Variants in SYT1 observed in about 807,000 individuals in gnomAD.
SYT1 encodes the protein synaptotagmin-1.
In SYT1, 8 loss-of-function variants were observed where a neutral mutation model predicts 44.8. The observed-to-expected ratio is 0.18, with a 90% CI of 0.10 to 0.32. The LOEUF is 0.32. Among genes scored for constraint, SYT1 ranks in the 10% least tolerant of loss-of-function variants. The probability of loss-of-function intolerance (pLI) is 1.00; values close to 1 mark genes in which losing one functional copy is unlikely to be tolerated. For synonymous variants in SYT1, 154 were observed against 188.8 expected, an observed-to-expected ratio of 0.82 and a Z score of 1.51; for missense variants, 286 against 509.3, an observed-to-expected ratio of 0.56 and a Z score of 4.22.
At chr12:78,911,305 T>A (rs1381820368) in intron 1 of SYT1, among the ~76,000 whole-genome samples, 1 of 151,944 alleles carries the variant, frequency 6.6e-6, no homozygotes, top group Non-Finnish European at 1.5e-5. Flanking sequence ...AGGAGAGATG[T>A]CTTATAGAAA....
chr12:78,998,652 A>T (rs1870533111), intron 2 of SYT1, among the ~76,000 whole-genome samples: 1 of 152,204 alleles, frequency 6.6e-6, no homozygotes, highest in Admixed American at 6.5e-5. Flanking sequence ...CTCAAGTTAG[A>T]TTAAATTGAT....
At chr12:78,868,782 G>A (rs1873672210) in intron 1 of SYT1, 1 of 151,814 alleles carries the variant, frequency 6.6e-6, no homozygotes, top group Non-Finnish European at 1.5e-5. Flanking sequence ...AATACTCAGA[G>A]ATAATATTAA....
chr12:78,962,215 G>A (rs951603241), intron 1 of SYT1, among the ~76,000 whole-genome samples: 1 of 151,998 alleles, frequency 6.6e-6, no homozygotes, highest in Non-Finnish European at 1.5e-5. Flanking sequence ...GTATATAATG[G>A]AGCAAACATA....
intron 8 of SYT1, among the ~76,000 whole-genome samples, chr12:79,316,083 G>A (rs1203319261): frequency 3.3e-5 from 5 of 152,168 alleles, no homozygotes; most frequent in Non-Finnish European, 7.3e-5. Context: ...AGTTCAATGA[G>A]TCTTGACAAC....
chr12:79,055,058 A>G (rs891520549), intron 3 of SYT1, among the ~76,000 whole-genome samples: 6 of 151,966 alleles, frequency 3.9e-5, no homozygotes, highest in African/African-American at 7.2e-5. Flanking sequence ...TGCCAGCTCC[A>G]CCACTTATTA....
chr12:78,990,246 G>A (rs905007321), intron 2 of SYT1, among the ~76,000 whole-genome samples: 2 of 152,050 alleles, frequency 1.3e-5, no homozygotes, highest in East Asian at 1.9e-4. Flanking sequence ...GAGACTCTCC[G>A]ATATACCAAC....
intron 2 of SYT1, among the ~76,000 whole-genome samples, chr12:79,029,794 A>G (rs1283146715): frequency 6.6e-6 from 1 of 151,124 alleles, no homozygotes; most frequent in Non-Finnish European, 1.5e-5. Flanking sequence ...TATAAAGATA[A>G]TGATTTTCTT....
chr12:79,221,422 C>G lies in SYT1; in HGVS notation c.166+3737C>G, dbSNP rs150374639. 4.1e-3 allele frequency among the ~76,000 whole-genome samples: 618 copies of G among 152,164 alleles called. 3 individuals carry two copies. Among genetic ancestry groups the G allele is most frequent in the African/African-American group, 0.014 (582 of 41,552 alleles). ...TTTACATTTAAAGTAATTATCAATA[C>G]TTACTACTGCCATATTATTAATTGT... On this transcript the variant is annotated intron_variant, in intron 4 of 10. Coordinates refer to ENST00000261205, the MANE Select transcript of SYT1 (RefSeq NM_005639.3).
At chr12:79,290,309 G>A (rs1051684490) in intron 5 of SYT1, among the ~76,000 whole-genome samples, 108 of 152,236 alleles carry the variant, frequency 7.1e-4, no homozygotes, top group Non-Finnish European at 1.2e-3. Context: ...GGAGTTAACC[G>A]GGTGAAGCCA....
At chr12:78,881,245 A>G (rs1240535033) in intron 1 of SYT1, among the ~76,000 whole-genome samples, 1 of 151,486 alleles carries the variant, frequency 6.6e-6, no homozygotes, top group African/African-American at 2.4e-5. Context: ...GCTACCCTTA[A>G]CTACATCAAT....
chr12:79,309,074 T>G lies in SYT1; in HGVS notation c.810+9523T>G, dbSNP rs565241543. ...CAGGCCAGATTTTTAAAAATCATAC[T>G]TTCTCAAGGATCTCCACAAACTGGA... On this transcript the variant is annotated intron_variant, in intron 8 of 10. Coordinates refer to ENST00000261205, the MANE Select transcript of SYT1 (RefSeq NM_005639.3). 1.4e-3 allele frequency among the ~76,000 whole-genome samples: 218 copies of G among 152,330 alleles called. 3 individuals carry two copies. The highest frequency in any genetic ancestry group is 5.0e-3 in the African/African-American group (207 of 41,576).
At chr12:79,041,942 T>C (rs1873613389) in intron 2 of SYT1, among the ~76,000 whole-genome samples, 1 of 152,218 alleles carries the variant, frequency 6.6e-6, no homozygotes, top group Non-Finnish European at 1.5e-5. Context: ...GATTTGCATA[T>C]ATTGAACCAG....
intron 9 of SYT1, among the ~76,000 whole-genome samples, chr12:79,431,513 A>AT (rs1555225314): frequency 0.35 from 50,591 of 142,568 alleles, 10,858 homozygotes; most frequent in Non-Finnish European, 0.47. Flanking sequence ...ATTTTATTTT[A>AT]TTATTTATTT....
chr12:79,275,362 C>A (rs1172921205), intron 4 of SYT1, among the ~76,000 whole-genome samples: 1 of 152,090 alleles, frequency 6.6e-6, no homozygotes, highest in African/African-American at 2.4e-5. Flanking sequence ...CCTGTGAAAA[C>A]TCAGTGAGAG....
chr12:79,286,658 A>G (rs989334425), intron 5 of SYT1, among the ~76,000 whole-genome samples: 1 of 152,176 alleles, frequency 6.6e-6, no homozygotes, highest in Admixed American at 6.6e-5. Flanking sequence ...TCCAAGCCCA[A>G]AAAAGCTATT....
At chr12:78,948,159 T>C (rs1411745378) in intron 1 of SYT1, among the ~76,000 whole-genome samples, 4 of 151,752 alleles carry the variant, frequency 2.6e-5, no homozygotes, top group Admixed American at 6.6e-5. Flanking sequence ...AATATTACTA[T>C]AACTCAGTAT....
At chr12:79,323,132 T>TC (rs946727407) in intron 8 of SYT1, among the ~76,000 whole-genome samples, 2 of 151,874 alleles carry the variant, frequency 1.3e-5, no homozygotes, top group Non-Finnish European at 2.9e-5. Context: ...TTTTTTTTTT[T>TC]CACTTCTAAT....
chr12:79,206,463 G>A (rs1331598270), intron 3 of SYT1, among the ~76,000 whole-genome samples: 1 of 152,074 alleles, frequency 6.6e-6, no homozygotes, highest in Admixed American at 6.5e-5. Context: ...ACTGGGCCTG[G>A]CAGACAGTGA....
chr12:78,879,709 C>T (rs1302894032), intron 1 of SYT1, among the ~76,000 whole-genome samples: 1 of 151,756 alleles, frequency 6.6e-6, no homozygotes, highest in Non-Finnish European at 1.5e-5. Context: ...CACCATAGTT[C>T]AAATCAACTT....
Sources: gnomAD v4.1 joint callset for allele counts (sites outside exome capture counted in the v4.1 genomes callset) on GRCh38, gnomAD v4.1.1 for gene constraint, MANE v1.5 for transcripts, NCBI Gene and HGNC (gene_info 2026-07-23, HGNC 2026-07-21) for gene names.